The following LUZP1 variants were observed in gnomAD, a reference collection of about 807,000 sequenced individuals.
LUZP1 encodes filamin mechanobinding actin cross-linking protein.
LUZP1 carries 25 observed loss-of-function variants against 71.3 expected under a neutral mutation model. That is an observed-to-expected ratio of 0.35 (90% confidence interval 0.26 to 0.49). LUZP1 has a LOEUF of 0.49. Ranked by LOEUF, LUZP1 falls within the 20% of genes least tolerant of loss-of-function variation. The pLI, the probability that LUZP1 is intolerant of heterozygous loss-of-function variation, is 0.99. For synonymous variants in LUZP1, 481 were observed against 506.4 expected (o/e 0.95, Z 0.67); for missense variants, 1,142 against 1,300.8 (o/e 0.88, Z 1.88).
chr1:23,127,170 CTT>C (rs1644178419), intron 2 of LUZP1, among the ~76,000 whole-genome samples: 3 of 152,190 alleles, frequency 2.0e-5, no homozygotes, highest in Non-Finnish European at 2.9e-5. Context: ...TTACTAAGTG[CTT>C]TATATACATC....
exon 5 of LUZP1, chr1:23,088,441 T>G (rs1283225312): frequency 6.4e-6 from 1 of 155,480 alleles, no homozygotes; most frequent in Non-Finnish European, 1.4e-5. Context: ...TCTTATGGGG[T>G]ACTTGAGCCC....
In LUZP1 at chr1:23,093,462, A is replaced by T. The variant is rs1391775738; in HGVS notation, c.800T>A (p.Val267Glu). 1 of 1,612,876 alleles carries T rather than the reference A, an allele frequency of 6.2e-7. No homozygotes were observed. Among genetic ancestry groups the T allele is most frequent in the Non-Finnish European group, 8.5e-7 (1 of 1,179,768 alleles). ...TGATTTGTTTCTTGTTTCATTCTCTACCTGCTTTAGGTAGTCCAGACCACC... is the reference window on the plus strand; with the variant it reads ...TGATTTGTTTCTTGTTTCATTCTCTTCCTGCTTTAGGTAGTCCAGACCACC... Residue 267 changes from valine to glutamate, a missense_variant, in exon 4 of 5, where the codon GTA (valine) becomes GAA (glutamate). Physicochemically the swap from Val to Glu is moderately radical, Grantham distance 121 (BLOSUM62 -2). Coordinates refer to ENST00000302291, the Ensembl canonical transcript of LUZP1. This position sits in a 1 kb window ranked among gnomAD's most constrained non-coding sequence, Gnocchi z 4.2.
intron 2 of LUZP1, among the ~76,000 whole-genome samples, chr1:23,137,286 A>G (rs1644262245): frequency 6.6e-6 from 1 of 152,224 alleles, no homozygotes; most frequent in African/African-American, 2.4e-5. Context: ...AGATATACGA[A>G]TGGCCAATAA....
chr1:23,090,320 T>C (rs949219454), intron 4 of LUZP1: 13 of 152,788 alleles, frequency 8.5e-5, no homozygotes, highest in African/African-American at 3.1e-4. Context: ...CTGAATAAGA[T>C]AGTGGGTAGT....
chr1:23,117,519 C>CG (rs71575742), intron 2 of LUZP1, among the ~76,000 whole-genome samples: 811 of 31,004 alleles, frequency 0.026, 31 homozygotes, highest in African/African-American at 0.054. Context: ...GGGGGGGGGG[C>CG]GGGGGGGGGG....
intron 2 of LUZP1, chr1:23,162,757 G>A (rs968460566): frequency 1.3e-5 from 2 of 152,224 alleles, no homozygotes; most frequent in African/African-American, 2.4e-5. Flanking sequence ...GGGAAGATTA[G>A]TATGTGCCCT....
intron 2 of LUZP1, among the ~76,000 whole-genome samples, chr1:23,124,386 C>T (rs890169280): frequency 6.6e-6 from 1 of 152,136 alleles, no homozygotes; most frequent in Non-Finnish European, 1.5e-5. Context: ...TACCTCTTCA[C>T]AAGACTGACT....
At chr1:23,144,945 T>C (rs1644330788) in intron 2 of LUZP1, among the ~76,000 whole-genome samples, 1 of 152,172 alleles carries the variant, frequency 6.6e-6, no homozygotes, top group Non-Finnish European at 1.5e-5. Flanking sequence ...CAGGCTGCAA[T>C]GCAGTGGTGG....
chr1:23,154,404 T>C (rs1289614004), intron 2 of LUZP1, among the ~76,000 whole-genome samples: 1 of 151,886 alleles, frequency 6.6e-6, no homozygotes, highest in African/African-American at 2.4e-5. Flanking sequence ...CCAGGCATGG[T>C]GGTTTGTGCC....
chr1:23,144,331 G>A (rs570368691), intron 2 of LUZP1, among the ~76,000 whole-genome samples: 1 of 111,276 alleles, frequency 9.0e-6, no homozygotes, highest in East Asian at 2.8e-4. Flanking sequence ...GCTGACAGCT[G>A]AGAGATATCA....
At chr1:23,139,077 ATG>A (rs138222646) in intron 2 of LUZP1, among the ~76,000 whole-genome samples, 1,469 of 137,046 alleles carry the variant, frequency 0.011, 45 homozygotes, top group African/African-American at 0.038. Flanking sequence ...TGTATATATA[ATG>A]TGTGTGTATA....
At chr1:23,098,882 T>G (rs2124612917) in intron 3 of LUZP1, among the ~76,000 whole-genome samples, 1 of 152,308 alleles carries the variant, frequency 6.6e-6, no homozygotes, top group South Asian at 2.1e-4. Context: ...TTCTAATGGC[T>G]GCACTATAAG....
chr1:23,091,945 C>T (rs765284876), exon 4 of LUZP1: 6 of 1,614,162 alleles, frequency 3.7e-6, no homozygotes, highest in Non-Finnish European at 4.2e-6. Flanking sequence ...GTCTCTGTTC[C>T]AGATCCTCCC....
chr1:23,115,009 T>C (rs1196301053), intron 2 of LUZP1, among the ~76,000 whole-genome samples: 1 of 152,224 alleles, frequency 6.6e-6, no homozygotes, highest in Non-Finnish European at 1.5e-5. Flanking sequence ...TCCGAAAAGA[T>C]CTAAGTAGAG....
chr1:23,158,129 A>G (rs1362561694), intron 2 of LUZP1, among the ~76,000 whole-genome samples: 1 of 152,230 alleles, frequency 6.6e-6, no homozygotes, highest in Non-Finnish European at 1.5e-5. Context: ...AAGCAGTCAA[A>G]TGATACTGAA....
intron 2 of LUZP1, among the ~76,000 whole-genome samples, chr1:23,168,267 T>G (rs1264793932): frequency 6.8e-6 from 1 of 146,844 alleles, no homozygotes; most frequent in Non-Finnish European, 1.5e-5. Flanking sequence ...GCCCTTCCTG[T>G]CTGATCACTT....
chr1:23,158,819 T>G (rs1191885111), intron 2 of LUZP1, among the ~76,000 whole-genome samples: 1 of 148,940 alleles, frequency 6.7e-6, no homozygotes, highest in Admixed American at 6.7e-5. Flanking sequence ...ATACAAAAAT[T>G]CACCAGCTGT....
At chr1:23,092,831 G>A (rs767738508) in exon 4 of LUZP1, 11 of 1,613,830 alleles carry the variant, frequency 6.8e-6, no homozygotes, top group Middle Eastern at 1.6e-4. Context: ...CAGCCGGGGG[G>A]TAGCGACTCA....
chr1:23,114,774 G>A (rs1473676337), intron 2 of LUZP1, among the ~76,000 whole-genome samples: 1 of 152,198 alleles, frequency 6.6e-6, no homozygotes, highest in Non-Finnish European at 1.5e-5. Context: ...GAGAAACTTG[G>A]ATGGGGAGTG....
Sources: allele counts gnomAD v4.1 joint callset (sites outside exome capture counted in the v4.1 genomes callset), GRCh38; gene constraint gnomAD v4.1.1; non-coding constraint Gnocchi (gnomAD v3.1); transcripts MANE v1.5; gene names NCBI Gene and HGNC (gene_info 2026-07-23, HGNC 2026-07-21).